CSMD2: variants seen among roughly 807,000 people sequenced by gnomAD.
The protein encoded by CSMD2 is CUB and sushi domain-containing protein 2.
A neutral mutation model predicts 398.5 loss-of-function variants in CSMD2; 130 were observed. The observed-to-expected ratio is 0.33, with a 90% CI of 0.28 to 0.38. The LOEUF (loss-of-function observed/expected upper bound fraction) is 0.38, where lower values mean the gene tolerates loss of function less well. CSMD2 is among the 10% of genes least tolerant of loss of function. CSMD2 has a pLI of 1.00. For missense variants in CSMD2, 3,829 were observed against 4,764.9 expected, an observed-to-expected ratio of 0.80 and a Z score of 5.78; for synonymous variants, 1,828 against 1,908.5, an observed-to-expected ratio of 0.96 and a Z score of 1.10.
intron 6 of CSMD2, among the ~76,000 whole-genome samples, chr1:33,842,184 T>C (rs1660922175): frequency 6.6e-6 from 1 of 152,056 alleles, no homozygotes; most frequent in African/African-American, 2.4e-5. Flanking sequence ...TTCAACCCCA[T>C]CCCCTCCCAC....
intron 3 of CSMD2, among the ~76,000 whole-genome samples, chr1:33,975,522 A>C (rs574901393): frequency 1.1e-5 from 1 of 91,438 alleles, no homozygotes; most frequent in Admixed American, 1.1e-4. Context: ...CAAGTGCATA[A>C]ATGTCCCAAG....
At chr1:33,632,299 TTC>T (rs1642509499) in intron 32 of CSMD2, among the ~76,000 whole-genome samples, 1 of 152,090 alleles carries the variant, frequency 6.6e-6, no homozygotes, top group African/African-American at 2.4e-5. Flanking sequence ...AATTTACATA[TTC>T]TGACATTAAA....
intron 25 of CSMD2, among the ~76,000 whole-genome samples, chr1:33,667,990 G>A (rs1409005747): frequency 6.6e-6 from 1 of 152,154 alleles, no homozygotes; most frequent in African/African-American, 2.4e-5. Flanking sequence ...TCTAGCACAG[G>A]GCAGGACATG....
intron 1 of CSMD2, among the ~76,000 whole-genome samples, chr1:34,126,890 TAGAA>T (rs150820971): frequency 0.021 from 2,945 of 137,370 alleles, 88 homozygotes; most frequent in African/African-American, 0.076. Flanking sequence ...GACAGCCAGG[TAGAA>T]AGAAAGACAG....
chr1:34,010,607 A>ATT (rs150574767), intron 3 of CSMD2, among the ~76,000 whole-genome samples: 26 of 148,866 alleles, frequency 1.7e-4, no homozygotes. Flanking sequence ...GACTCTCTTG[A>ATT]TTTTTTTTTT....
Position 33,624,425 on chromosome 1 carries a change from C to T in CSMD2, c.5625+94G>A. ...CTTCCTGGCTCACCCTGACTCAGGCCTTGGCACCAGCCAGCACCTGTGGTT... is the reference window on the plus strand; with the variant it reads ...CTTCCTGGCTCACCCTGACTCAGGCTTTGGCACCAGCCAGCACCTGTGGTT... On this transcript the variant is annotated intron_variant, in intron 35 of 70. Coordinates refer to ENST00000373381, the MANE Select transcript of CSMD2 (RefSeq NM_001281956.2). This position sits in a 1 kb window ranked among gnomAD's most constrained non-coding sequence, Gnocchi z 4.7. 6.6e-7 allele frequency: 1 copy of T among 1,515,584 alleles called. No homozygotes were observed. The allele number at this position is 1,515,584 out of a possible 1,614,324, so 93.9% of individuals were successfully genotyped here.
chr1:33,580,901 TG>T lies in CSMD2; in HGVS notation c.7241-3del. On this transcript the variant is annotated splice_polypyrimidine_tract_variant and splice_region_variant and intron_variant, in intron 47 of 70. Transcript: ENST00000373381. ...GCAGAGGACTCTGTCCTGATGGACC[TG>T]GGGTGAGAAGGACGCAGGATTACAG... 2 of 1,613,910 alleles carry T rather than the reference TG, an allele frequency of 1.2e-6. No homozygotes were observed. The highest frequency in any genetic ancestry group is 1.7e-6 in the Non-Finnish European group (2 of 1,179,920).
intron 13 of CSMD2, among the ~76,000 whole-genome samples, chr1:33,770,705 C>T (rs35089288): frequency 2.6e-5 from 4 of 152,344 alleles, no homozygotes; most frequent in African/African-American, 7.2e-5. Context: ...CCCAGAGTAC[C>T]TGCTTAGCTT....
intron 1 of CSMD2, among the ~76,000 whole-genome samples, chr1:34,149,100 A>C (rs1640050701): frequency 6.6e-6 from 1 of 152,200 alleles, no homozygotes. Flanking sequence ...AATGAATGCC[A>C]TCTCTGGGCC....
At chr1:33,741,395 G>A (rs1647061866) in intron 14 of CSMD2, among the ~76,000 whole-genome samples, 5 of 152,160 alleles carry the variant, frequency 3.3e-5, no homozygotes, top group Admixed American at 3.3e-4. Context: ...TTCACTGACT[G>A]CATCCGATCG....
intron 27 of CSMD2, among the ~76,000 whole-genome samples, chr1:33,655,340 G>A (rs1328517212): frequency 6.6e-6 from 1 of 152,206 alleles, no homozygotes; most frequent in Non-Finnish European, 1.5e-5. Flanking sequence ...GAATAATGAT[G>A]ATAATGGCTT....
At chr1:34,043,670 A>G (rs1404027161) in intron 2 of CSMD2, among the ~76,000 whole-genome samples, 1 of 152,226 alleles carries the variant, frequency 6.6e-6, no homozygotes, top group Non-Finnish European at 1.5e-5. Flanking sequence ...TTGAAAGGCC[A>G]GCTTACAAGT....
At chr1:33,906,246 A>T (rs975250731) in intron 5 of CSMD2, among the ~76,000 whole-genome samples, 2 of 152,230 alleles carry the variant, frequency 1.3e-5, no homozygotes, top group Non-Finnish European at 2.9e-5. Context: ...TGGGGTGGTT[A>T]CTTAGGCAAG....
intron 4 of CSMD2, among the ~76,000 whole-genome samples, chr1:33,930,782 G>C (rs991121866): frequency 1.5e-4 from 23 of 152,192 alleles, no homozygotes; most frequent in Non-Finnish European, 5.9e-5. Flanking sequence ...AAGTGAAGGG[G>C]GGTCACAGGC....
At position 33,559,646 on chromosome 1, in the gene CSMD2, G is replaced by A. The variant is rs1658364356; in HGVS notation, c.8381-173C>T. On this transcript the variant is annotated intron_variant, in intron 53 of 70. Coordinates refer to ENST00000373381, the MANE Select transcript of CSMD2 (RefSeq NM_001281956.2). The surrounding 1 kb of genome is among the most constrained non-coding windows in gnomAD (Gnocchi z 4.0). The stretch of plus-strand genomic sequence containing the variant: ...ACTGAAATTGTCAGGGGAACATTCT[G>A]TCTGCCTTGAAGATATGTCTGTAGC... 6.6e-6 allele frequency among the ~76,000 whole-genome samples: 1 copy of A among 152,056 alleles called. No individual in the cohort carries two copies. The highest frequency in any genetic ancestry group is 2.4e-5 in the African/African-American group (1 of 41,382).
chr1:33,783,502 C>T (rs1478399175), intron 12 of CSMD2, among the ~76,000 whole-genome samples: 7 of 150,456 alleles, frequency 4.7e-5, no homozygotes, highest in Non-Finnish European at 1.0e-4. Flanking sequence ...CCAGGAAAGC[C>T]CATGCAAGGC....
intron 12 of CSMD2, among the ~76,000 whole-genome samples, chr1:33,774,944 A>C (rs1051264214): frequency 5.3e-5 from 8 of 152,186 alleles, no homozygotes; most frequent in African/African-American, 1.7e-4. Flanking sequence ...TGACATCTGG[A>C]TATGGTCTCT....
At chr1:33,823,336 A>T (rs1473904684) in intron 7 of CSMD2, among the ~76,000 whole-genome samples, 2 of 151,700 alleles carry the variant, frequency 1.3e-5, no homozygotes, top group African/African-American at 4.8e-5. Flanking sequence ...GCAAACTTAA[A>T]TCTCAGCGAT....
At position 33,790,208 on chromosome 1, in the gene CSMD2, T is replaced by G. The variant is rs368316967; in HGVS notation, c.1551-1496A>C. On this transcript the variant is annotated intron_variant, in intron 11 of 70. Coordinates refer to ENST00000373381, the MANE Select transcript of CSMD2 (RefSeq NM_001281956.2). ...GGAGAGGTAAGTGTGATGGTGAATT[T>G]TATGTGTCAACTTGACTAGGCCACA... is the stretch of plus-strand genomic sequence containing the variant. Among the ~76,000 whole-genome samples the G allele has an allele frequency of 1.6e-4, 25 of 152,166 alleles. No homozygotes were observed. In the East Asian group the frequency reaches 4.6e-3, roughly 28 times the overall value.
Sources: gnomAD v4.1 joint callset for allele counts (sites outside exome capture counted in the v4.1 genomes callset) on GRCh38, gnomAD v4.1.1 for gene constraint, Gnocchi (gnomAD v3.1) non-coding constraint, MANE v1.5 for transcripts, NCBI Gene and HGNC (gene_info 2026-07-23, HGNC 2026-07-21) for gene names.